The following LONRF2 variants were observed in gnomAD, a reference collection of about 807,000 sequenced individuals.
The protein encoded by LONRF2 is LON peptidase N-terminal domain and RING finger protein 2.
In LONRF2, 35 loss-of-function variants were observed where a neutral mutation model predicts 66.6. The observed-to-expected ratio is 0.53, with a 90% confidence interval of 0.40 to 0.70. The LOEUF (loss-of-function observed/expected upper bound fraction) is 0.70. LONRF2 is among the 30% of genes least tolerant of loss of function. The probability of loss-of-function intolerance (pLI) is 0.00; values close to 1 mark genes in which losing one functional copy is unlikely to be tolerated. For synonymous variants in LONRF2, 417 were observed against 418.1 expected (o/e 1.00, Z 0.03); for missense variants, 902 against 1,002.1 (o/e 0.90, Z 1.35).
chr2:100,290,660 C>T (rs1674940969), intron 9 of LONRF2, among the ~76,000 whole-genome samples: 3 of 152,122 alleles, frequency 2.0e-5, no homozygotes, highest in Admixed American at 6.5e-5. Flanking sequence ...GGACTTGTGC[C>T]TTAGCGGTTC....
intron 1 of LONRF2, among the ~76,000 whole-genome samples, chr2:100,317,011 G>A (rs1345151963): frequency 6.6e-6 from 1 of 152,012 alleles, no homozygotes; most frequent in Non-Finnish European, 1.5e-5. Context: ...GCTTTTGTTT[G>A]TCAGTCTTTG....
rs867292322 is a variant in LONRF2 at position 100,322,111 on chromosome 2, G to C, written c.-18C>G. ...GGGCTCATCACCGCGGGGCTGCGACGACGCGGGTCCGGAGCGAAGGCGCGG... is the reference window on the plus strand; with the variant it reads ...GGGCTCATCACCGCGGGGCTGCGACCACGCGGGTCCGGAGCGAAGGCGCGG... On this transcript the variant is annotated 5_prime_UTR_variant, in exon 1 of 12. Transcript: ENST00000393437. 8 of 1,243,720 alleles carry C rather than the reference G, an allele frequency of 6.4e-6. No homozygotes were observed. In the African/African-American group the frequency reaches 1.2e-4, roughly 19 times the overall value. 77.0% of individuals were successfully genotyped at this position (1,243,720 alleles called of 1,614,324 possible).
chr2:100,291,177 A>AT (rs70943009), intron 9 of LONRF2, among the ~76,000 whole-genome samples: 77,654 of 150,360 alleles, frequency 0.52, 20,542 homozygotes, highest in East Asian at 0.94. Flanking sequence ...GCATTCAGCT[A>AT]TTTTTTTTTT....
chr2:100,298,184 G>T (rs1675110982), intron 7 of LONRF2, among the ~76,000 whole-genome samples: 1 of 152,178 alleles, frequency 6.6e-6, no homozygotes, highest in Non-Finnish European at 1.5e-5. Context: ...AGCTGATATG[G>T]ATTCACTATT....
At position 100,278,320 on chromosome 2, in the gene LONRF2, C is replaced by T. The variant is rs1227511285; in HGVS notation, c.*5978G>A. Reference sequence around the variant, plus strand: ...TATTGGGGCCTTCCATAATGTTTCCCCCTATTCCTATAAATCTTGCATCTT... The same window carrying T: ...TATTGGGGCCTTCCATAATGTTTCCTCCTATTCCTATAAATCTTGCATCTT... On this transcript the variant is annotated 3_prime_UTR_variant, in exon 12 of 12. Coordinates refer to ENST00000393437, the MANE Select transcript of LONRF2 (RefSeq NM_198461.4). The T allele has an allele frequency of 6.6e-6, 1 of 152,094 alleles. No homozygotes were observed. Among genetic ancestry groups the T allele is most frequent in the African/African-American group, 2.4e-5 (1 of 41,402 alleles). The allele number at this position is 152,094 out of a possible 1,614,324, so 9.4% of individuals were successfully genotyped here.
chr2:100,300,047 T>C (rs1476137658), intron 4 of LONRF2, 129 bp from the exon 5 acceptor site: 2 of 611,726 alleles, frequency 3.3e-6, no homozygotes, highest in East Asian at 5.7e-5. Context: ...TTCTTCATAA[T>C]TGGTTTCATC....
At chr2:100,300,918 T>C (rs1675173678) in intron 3 of LONRF2, 131 bp from the exon 4 acceptor site, 6 of 693,942 alleles carry the variant, frequency 8.6e-6, no homozygotes, top group Non-Finnish European at 1.3e-5. Flanking sequence ...TAATTTTAAC[T>C]GCCAACCTTT....
rs76387809 is a variant in LONRF2 at position 100,287,033 on chromosome 2, C to T, written c.1951G>A (p.Ala651Thr). ...TGTTGATGCACAGAATCGTGGAGAG[C>T]GGCAAGTTCTTCATACTCTGGACCC... The part of the protein sequence containing the change: ...VEGPEYEELA[A>T]LHDSVHQQSV... Residue 651 changes from alanine (A) to threonine (T), a missense_variant, in exon 11 of 12, where the codon GCT (alanine) becomes ACT (threonine). This residue lies in a region of LONRF2 where 317 missense variants were observed against 432.2 expected (regional missense o/e 0.73). Coordinates refer to ENST00000393437, the MANE Select transcript of LONRF2 (RefSeq NM_198461.4). The T allele has an allele frequency of 7.2e-4, 1,170 of 1,613,966 alleles. 6 individuals carry two copies. In the African/African-American group the frequency reaches 0.013, roughly 18 times the overall value.
chr2:100,302,705 T>C (rs1455671586), intron 3 of LONRF2, among the ~76,000 whole-genome samples: 1 of 152,238 alleles, frequency 6.6e-6, no homozygotes, highest in Non-Finnish European at 1.5e-5. Flanking sequence ...CACTGTCTCA[T>C]GAAACACTCT....
chr2:100,293,371 T>G (rs1675000866), intron 9 of LONRF2, among the ~76,000 whole-genome samples: 1 of 152,222 alleles, frequency 6.6e-6, no homozygotes, highest in African/African-American at 2.4e-5. Flanking sequence ...GCCCTAAAAA[T>G]GCAGTCTCCT....
chr2:100,309,404 A>C (rs752977549), intron 1 of LONRF2, 179 bp from the exon 2 acceptor site: 10 of 341,004 alleles, frequency 2.9e-5, no homozygotes, highest in Non-Finnish European at 5.3e-5. Context: ...TCATATTTAG[A>C]GTTTAGTTAT....
intron 9 of LONRF2, among the ~76,000 whole-genome samples, chr2:100,292,344 G>A (rs573905906): frequency 1.3e-5 from 2 of 152,296 alleles, no homozygotes; most frequent in East Asian, 3.9e-4. Flanking sequence ...CTTCGTGAGT[G>A]CAGCTCTCCA....
chr2:100,294,116 C>G, intron 9 of LONRF2, 113 bp downstream of exon 9: 1 of 1,245,270 alleles, frequency 8.0e-7, no homozygotes, highest in Non-Finnish European at 1.1e-6. Flanking sequence ...GACTTTGTTA[C>G]GTAACGGGAG....
chr2:100,306,809 T>C (rs1017097648), intron 2 of LONRF2, among the ~76,000 whole-genome samples: 1 of 152,128 alleles, frequency 6.6e-6, no homozygotes, highest in Admixed American at 6.5e-5. Context: ...TCCCATCCCC[T>C]TACCTTACCT....
rs1417179876 is a variant in LONRF2 at position 100,318,320 on chromosome 2, T to C, written c.679+3095A>G. On this transcript the variant is annotated intron_variant, in intron 1 of 11. Coordinates refer to ENST00000393437, the MANE Select transcript of LONRF2 (RefSeq NM_198461.4). ...GGTTCTTTTTTATGGACAATTGTCT[T>C]CTGAATGCTTTATATTTTCATACAT... is the stretch of plus-strand genomic sequence containing the variant. Among the ~76,000 whole-genome samples the C allele has an allele frequency of 4.6e-5, 7 of 152,348 alleles. No homozygotes were observed. The East Asian group carries it at 1.3e-3, about 29-fold the overall frequency.
At chr2:100,285,216 T>A (rs1041628324) in intron 11 of LONRF2, among the ~76,000 whole-genome samples, 4 of 152,018 alleles carry the variant, frequency 2.6e-5, no homozygotes, top group Non-Finnish European at 5.9e-5. Context: ...GCTGGGAGGG[T>A]GAACTCTGGA....
chr2:100,295,280 A>T (rs1675041159), intron 8 of LONRF2, 152 bp downstream of exon 8: 1 of 609,062 alleles, frequency 1.6e-6, no homozygotes, highest in African/African-American at 1.9e-5. Flanking sequence ...ACTGCTTGCA[A>T]TTATGTTTCC....
At chr2:100,319,037 G>T (rs1352269015) in intron 1 of LONRF2, among the ~76,000 whole-genome samples, 1 of 151,498 alleles carries the variant, frequency 6.6e-6, no homozygotes, top group African/African-American at 2.4e-5. Context: ...GGCTGAGGCA[G>T]GAGAATTGCT....
rs555803159 is a variant in LONRF2 at position 100,289,087 on chromosome 2, T to G, written c.1920+1171A>C. On this transcript the variant is annotated intron_variant, in intron 10 of 11. Coordinates refer to ENST00000393437, the MANE Select transcript of LONRF2 (RefSeq NM_198461.4). Reference sequence around the variant, plus strand: ...TTAGCTTTGGGAGGTATTTTTTAAGTTGTAGATTTTGTCACATTCTGAATT... The same window carrying G: ...TTAGCTTTGGGAGGTATTTTTTAAGGTGTAGATTTTGTCACATTCTGAATT... Among the ~76,000 whole-genome samples the G allele has an allele frequency of 2.6e-5, 4 of 152,364 alleles. No homozygotes were observed. In the South Asian group the frequency reaches 8.3e-4, roughly 32 times the overall value.
Sources: gnomAD v4.1 joint callset for allele counts (sites outside exome capture counted in the v4.1 genomes callset) on GRCh38, gnomAD v4.1.1 for gene constraint, gnomAD v4.1.1 regional missense constraint, MANE v1.5 for transcripts, NCBI Gene and HGNC (gene_info 2026-07-23, HGNC 2026-07-21) for gene names.